CSNK1G1: variants seen among roughly 807,000 people sequenced by gnomAD.
The protein encoded by CSNK1G1 is casein kinase 1 gamma 1.
Under a neutral mutation model 59.6 loss-of-function variants are expected in CSNK1G1, and 22 were observed. The observed-to-expected ratio is 0.37, with a 90% CI of 0.26 to 0.53. The LOEUF (loss-of-function observed/expected upper bound fraction) is 0.53. CSNK1G1 is among the 20% of genes least tolerant of loss of function. The pLI is 0.89. For synonymous variants in CSNK1G1, 179 were observed against 177.1 expected (o/e 1.01, Z -0.08); for missense variants, 384 against 519.5 (o/e 0.74, Z 2.54).
intron 7 of CSNK1G1, among the ~76,000 whole-genome samples, chr15:64,205,986 A>C (rs1239863542): frequency 6.6e-6 from 1 of 152,166 alleles, no homozygotes; most frequent in Admixed American, 6.5e-5. Flanking sequence ...TTTCCATATT[A>C]ATATGTTGAA....
intron 10 of CSNK1G1, among the ~76,000 whole-genome samples, chr15:64,191,211 G>A (rs978089401): frequency 4.6e-5 from 7 of 152,046 alleles, no homozygotes; most frequent in African/African-American, 1.4e-4. Flanking sequence ...ACGGACGCGC[G>A]CCACCAGGTT....
rs1172310407 is a variant in CSNK1G1, at chr15:64,167,417, GTC to G, written c.*4512_*4513del. 1.3e-5 allele frequency: 2 copies of G among 152,646 alleles called. No individual in the cohort carries two copies. Among genetic ancestry groups the G allele is most frequent in the Non-Finnish European group, 2.9e-5 (2 of 68,052 alleles). The allele number at this position is 152,646 out of a possible 1,614,324, so 9.5% of individuals were successfully genotyped here. A position where few individuals can be genotyped will look rare whatever the true frequency, so the allele number is the denominator to read the frequency against. The stretch of plus-strand genomic sequence containing the variant: ...CAACCCCTCATGGGAAAGACTAGGA[GTC>G]TCTGCCATCGACCTCTAGACAGGAC... On this transcript the variant is annotated 3_prime_UTR_variant, in exon 12 of 12. Coordinates refer to ENST00000303052, the MANE Select transcript of CSNK1G1 (RefSeq NM_022048.5).
At chr15:64,264,471 T>C (rs1892874558) in intron 2 of CSNK1G1, among the ~76,000 whole-genome samples, 1 of 152,196 alleles carries the variant, frequency 6.6e-6, no homozygotes, top group African/African-American at 2.4e-5. Flanking sequence ...TAAATTCTTT[T>C]CAAACTATTT....
intron 1 of CSNK1G1, among the ~76,000 whole-genome samples, chr15:64,329,309 AT>A (rs1318769347): frequency 2.6e-5 from 4 of 151,800 alleles, no homozygotes; most frequent in Non-Finnish European, 5.9e-5. Flanking sequence ...AAGAACAGAA[AT>A]TACAACAAAC....
intron 1 of CSNK1G1, among the ~76,000 whole-genome samples, chr15:64,346,967 AG>A (rs1302520550): frequency 6.6e-6 from 1 of 152,228 alleles, no homozygotes; most frequent in Non-Finnish European, 1.5e-5. Flanking sequence ...CTCAACAAGA[AG>A]CAAACAACCT....
At chr15:64,296,827 G>A (rs1450285148) in intron 2 of CSNK1G1, among the ~76,000 whole-genome samples, 1 of 150,486 alleles carries the variant, frequency 6.6e-6, no homozygotes, top group Non-Finnish European at 1.5e-5. Context: ...TTGTGCCACT[G>A]CACTCTAGCC....
At position 64,317,960 on chromosome 15, in the gene CSNK1G1, T is replaced by C. The variant is rs369592126; in HGVS notation, c.-224-17237A>G. On this transcript the variant is annotated intron_variant, in intron 1 of 11. Transcript: ENST00000303052. The stretch of plus-strand genomic sequence containing the variant: ...CACCTGACAAAGATGGAAAGGAAGC[T>C]AGGGGCTTAAGCAACTGCTACATAG... 1.8e-4 allele frequency among the ~76,000 whole-genome samples: 27 copies of C among 152,298 alleles called. No homozygotes were observed. The East Asian group carries it at 5.2e-3, about 29-fold the overall frequency.
intron 1 of CSNK1G1, among the ~76,000 whole-genome samples, chr15:64,302,653 TAGAA>T (rs747067549): frequency 6.6e-6 from 1 of 152,060 alleles, no homozygotes; most frequent in Non-Finnish European, 1.5e-5. Context: ...CAAATGATAT[TAGAA>T]AGAAAGAGAA....
At chr15:64,269,592 C>G (rs1390006255) in intron 2 of CSNK1G1, among the ~76,000 whole-genome samples, 1 of 150,330 alleles carries the variant, frequency 6.7e-6, no homozygotes, top group Non-Finnish European at 1.5e-5. Flanking sequence ...CTCCCGGGTT[C>G]AAGCGATTCT....
At position 64,169,313 on chromosome 15, in the gene CSNK1G1, A is replaced by G. The variant is rs1377099876; in HGVS notation, c.*2618T>C. ...AGTGGTGCGATCTCGGCTCACTGCA[A>G]CTTCTGCCTCCCAGGCTCAAGTGAT... On this transcript the variant is annotated 3_prime_UTR_variant, in exon 12 of 12. Transcript: ENST00000303052. The G allele has an allele frequency of 6.6e-6, 1 of 151,938 alleles. No homozygotes were observed. Among genetic ancestry groups the G allele is most frequent in the Non-Finnish European group, 1.5e-5 (1 of 68,072 alleles). 9.4% of individuals were successfully genotyped at this position (151,938 alleles called of 1,614,324 possible). A position where few individuals can be genotyped will look rare whatever the true frequency, so the allele number is the denominator to read the frequency against.
intron 1 of CSNK1G1, among the ~76,000 whole-genome samples, chr15:64,349,188 T>C (rs1898143701): frequency 6.6e-6 from 1 of 151,440 alleles, no homozygotes; most frequent in Non-Finnish European, 1.5e-5. Flanking sequence ...ATAACTTTCA[T>C]TCAGGAAGTC....
chr15:64,290,524 A>C (rs1037663747), intron 2 of CSNK1G1, among the ~76,000 whole-genome samples: 1 of 152,070 alleles, frequency 6.6e-6, no homozygotes, highest in African/African-American at 2.4e-5. Context: ...GTGGGAGCTA[A>C]ATAATGTGTA....
intron 1 of CSNK1G1, among the ~76,000 whole-genome samples, chr15:64,343,208 A>AACACACACACACACACACACGC (rs1897765956): frequency 9.1e-6 from 1 of 109,956 alleles, no homozygotes; most frequent in Admixed American, 9.9e-5. Context: ...GCAAAACTCC[A>AACACACACACACACACACACGC]ACACACACAC....
rs1399097716 is a variant in CSNK1G1 at position 64,200,492 on chromosome 15, T to C, written c.1107+2590A>G. 1.3e-5 allele frequency among the ~76,000 whole-genome samples: 2 copies of C among 151,990 alleles called. No homozygotes were observed. Among genetic ancestry groups the C allele is most frequent in the East Asian group, 2.0e-4 (1 of 5,128 alleles). On this transcript the variant is annotated intron_variant, in intron 10 of 11. Transcript: ENST00000303052. This position sits in a 1 kb window ranked among gnomAD's most constrained non-coding sequence, Gnocchi z 4.3. ...TCCTGAGTAGCCGGGATTTGAGGCA[T>C]GTGCCACCACACCCAGCTAATTTTT...
intron 1 of CSNK1G1, among the ~76,000 whole-genome samples, chr15:64,313,064 C>T (rs1383550056): frequency 9.9e-5 from 15 of 152,162 alleles, no homozygotes; most frequent in Admixed American, 3.9e-4. Context: ...TACCATCTCA[C>T]GCCAGTTAGA....
At chr15:64,177,689 G>T (rs2081757770) in intron 11 of CSNK1G1, among the ~76,000 whole-genome samples, 1 of 152,150 alleles carries the variant, frequency 6.6e-6, no homozygotes, top group Non-Finnish European at 1.5e-5. Context: ...ACACCAGATT[G>T]AAATCTCTGT....
intron 2 of CSNK1G1, among the ~76,000 whole-genome samples, chr15:64,259,473 A>T (rs1892569235): frequency 7.0e-6 from 1 of 141,926 alleles, no homozygotes; most frequent in South Asian, 2.3e-4. Flanking sequence ...AAGAGAAAAC[A>T]AATCTCTCTT....
chr15:64,280,138 A>G (rs543273571), intron 2 of CSNK1G1, among the ~76,000 whole-genome samples: 1 of 152,320 alleles, frequency 6.6e-6, no homozygotes, highest in Non-Finnish European at 1.5e-5. Context: ...TGTTAATTAA[A>G]AAGAAGTACA....
intron 1 of CSNK1G1, among the ~76,000 whole-genome samples, chr15:64,334,253 A>C (rs1357133431): frequency 6.6e-6 from 1 of 152,000 alleles, no homozygotes; most frequent in Non-Finnish European, 1.5e-5. Context: ...CCTGACCTTA[A>C]GTGATATGCC....
Sources: allele counts gnomAD v4.1 joint callset (sites outside exome capture counted in the v4.1 genomes callset), GRCh38; gene constraint gnomAD v4.1.1; non-coding constraint Gnocchi (gnomAD v3.1); transcripts MANE v1.5; gene names NCBI Gene and HGNC (gene_info 2026-07-23, HGNC 2026-07-21).